SH3RF2: variants seen among roughly 807,000 people sequenced by gnomAD.
SH3RF2 encodes the protein SH3 domain containing ring finger 2, also known as E3 ubiquitin-protein ligase SH3RF2.
Under a neutral mutation model 59.0 loss-of-function variants are expected in SH3RF2, and 43 were observed. The ratio of observed to expected loss-of-function variants is 0.73; its 90% CI spans 0.57 to 0.94. The LOEUF is 0.94. Among genes scored for constraint, SH3RF2 ranks in the 40% least tolerant of loss-of-function variants. The pLI is 0.00. For synonymous variants in SH3RF2, 391 were observed against 391.5 expected, an observed-to-expected ratio of 1.00 and a Z score of 0.01; for missense variants, 930 against 940.1, an observed-to-expected ratio of 0.99 and a Z score of 0.14.
intron 2 of SH3RF2, among the ~76,000 whole-genome samples, chr5:145,945,282 G>C (rs777055621): frequency 3.3e-5 from 5 of 152,248 alleles, no homozygotes; most frequent in Non-Finnish European, 5.9e-5. Flanking sequence ...TAAAATTGTA[G>C]AAAAGACAAA....
chr5:146,000,435 ATAT>A (rs1760364413), intron 3 of SH3RF2, 108 bp downstream of exon 3: 2 of 891,992 alleles, frequency 2.2e-6, no homozygotes, highest in Non-Finnish European at 3.0e-6. Flanking sequence ...TATTTTAAAT[ATAT>A]TATATTATTG....
intron 5 of SH3RF2, among the ~76,000 whole-genome samples, chr5:146,041,788 G>A (rs1446476379): frequency 6.6e-6 from 1 of 152,012 alleles, no homozygotes; most frequent in African/African-American, 2.4e-5. Context: ...AAAACTGTCT[G>A]AGCATGGTGA....
At chr5:146,001,321 C>CTG (rs1441559001) in intron 3 of SH3RF2, among the ~76,000 whole-genome samples, 2 of 152,218 alleles carry the variant, frequency 1.3e-5, no homozygotes, top group East Asian at 3.8e-4. Context: ...AAAAGTGGCA[C>CTG]TGCTACAATA....
At chr5:146,042,086 C>A (rs1762145429) in intron 5 of SH3RF2, among the ~76,000 whole-genome samples, 1 of 152,170 alleles carries the variant, frequency 6.6e-6, no homozygotes, top group Non-Finnish European at 1.5e-5. Flanking sequence ...GACAGTCACC[C>A]CATACCCGCC....
intron 9 of SH3RF2, among the ~76,000 whole-genome samples, chr5:146,075,706 G>A (rs1474473037): frequency 1.3e-5 from 2 of 149,666 alleles, no homozygotes; most frequent in Non-Finnish European, 3.0e-5. Context: ...AGCTACCCGG[G>A]AGGCGGAGGT....
chr5:145,990,331 C>A (rs530845178), intron 2 of SH3RF2, among the ~76,000 whole-genome samples: 1 of 152,294 alleles, frequency 6.6e-6, no homozygotes, highest in African/African-American at 2.4e-5. Flanking sequence ...AACCTGAAGG[C>A]TCATAATTCA....
At chr5:145,999,678 AAC>A (rs1006682118) in intron 2 of SH3RF2, among the ~76,000 whole-genome samples, 71 of 152,310 alleles carry the variant, frequency 4.7e-4, no homozygotes, top group African/African-American at 1.6e-3. Flanking sequence ...GAGCAGTCAG[AAC>A]ACAAACATTT....
At chr5:146,026,783 T>A (rs1445372562) in intron 5 of SH3RF2, among the ~76,000 whole-genome samples, 1 of 152,160 alleles carries the variant, frequency 6.6e-6, no homozygotes, top group Non-Finnish European at 1.5e-5. Context: ...CAGTATAACC[T>A]TGGGCAAGAT....
intron 2 of SH3RF2, among the ~76,000 whole-genome samples, chr5:145,972,462 T>TACC (rs1438449524): frequency 1.3e-5 from 2 of 151,876 alleles, no homozygotes; most frequent in Admixed American, 6.6e-5. Context: ...CCACCACCAC[T>TACC]ACCACCACCA....
intron 2 of SH3RF2, among the ~76,000 whole-genome samples, chr5:145,989,825 T>C (rs193171977): frequency 1.3e-5 from 2 of 152,328 alleles, no homozygotes; most frequent in East Asian, 3.9e-4. Flanking sequence ...TATGTGTCAC[T>C]GTGGTTGATT....
chr5:146,030,280 C>G (rs958612670), intron 5 of SH3RF2, among the ~76,000 whole-genome samples: 3 of 152,146 alleles, frequency 2.0e-5, no homozygotes, highest in Non-Finnish European at 4.4e-5. Flanking sequence ...GCCCATGTGC[C>G]CATGTCGTTT....
Position 145,968,608 on chromosome 5 carries a change from AAAAG to A in SH3RF2, c.378+30307_378+30310del, listed in dbSNP as rs1469410919. 8.5e-5 allele frequency among the ~76,000 whole-genome samples: 13 copies of A among 152,362 alleles called. 1 individual carries two copies. The highest frequency in any genetic ancestry group is 2.2e-4 in the African/African-American group (9 of 41,582). On this transcript the variant is annotated intron_variant, in intron 2 of 9. Coordinates refer to ENST00000359120, the MANE Select transcript of SH3RF2 (RefSeq NM_152550.4). ...TTGAGTAGCCACATTAAAAAAAGTA[AAAAG>A]AAAGGTGAAATTAATTTTAATAACT...
intron 5 of SH3RF2, among the ~76,000 whole-genome samples, chr5:146,040,638 T>G (rs907941638): frequency 2.0e-5 from 3 of 151,994 alleles, no homozygotes; most frequent in Non-Finnish European, 4.4e-5. Flanking sequence ...GCCGTGTACT[T>G]CAGAAAAAAA....
rs368645230 is a variant in SH3RF2, at chr5:146,002,469, AAAGGAAGGAAGGAAGGAAGGAAGGAAGG to A, written c.649-1547_649-1520del. On this transcript the variant is annotated intron_variant, in intron 3 of 9. Coordinates refer to ENST00000359120, the MANE Select transcript of SH3RF2 (RefSeq NM_152550.4). ...CCATCTAAAAATTAAAAAAGAAAGA[AAAGGAAGGAAGGAAGGAAGGAAGGAAGG>A]AAGGAAGGAAGGAAGGAAGGAAGGA... Among the ~76,000 whole-genome samples the A allele has an allele frequency of 2.3e-3, 221 of 97,572 alleles. 3 individuals are homozygous for A. The highest frequency in any genetic ancestry group is 5.9e-3 in the African/African-American group (141 of 23,792). The allele number at this position is 97,572 out of a possible 152,430, so 64.0% of individuals were successfully genotyped here.
At chr5:146,070,805 C>G (rs1337241523) in intron 9 of SH3RF2, among the ~76,000 whole-genome samples, 5 of 152,196 alleles carry the variant, frequency 3.3e-5, no homozygotes, top group Admixed American at 2.6e-4. Context: ...CAGATGCAAA[C>G]TAATTAGGCA....
At chr5:146,064,658 G>GAA (rs1763012027), downstream of SH3RF2, among the ~76,000 whole-genome samples, 1 of 25,298 alleles carries the variant, frequency 4.0e-5, no homozygotes, top group African/African-American at 1.1e-4. Context: ...AAGAGAGAGA[G>GAA]AGAAAGAGAA....
chr5:146,032,443 C>A (rs566972424), intron 5 of SH3RF2, among the ~76,000 whole-genome samples: 1 of 152,200 alleles, frequency 6.6e-6, no homozygotes, highest in East Asian at 1.9e-4. Context: ...ATACTAGGAT[C>A]CTAAAGCCAG....
In SH3RF2 at chr5:145,986,002, CAAATAAATAAATAAATAAATAAATAAAT is replaced by C. The variant is rs5871949; in HGVS notation, c.379-14039_379-14012del. Reference sequence around the variant, plus strand: ...CTGGGCAACAGAGCAAGACTTGTCTCAAATAAATAAATAAATAAATAAATAAATAAATAAATAAATAAATGTCTGTTAT... The same window carrying C: ...CTGGGCAACAGAGCAAGACTTGTCTCAAATAAATAAATAAATGTCTGTTAT... On this transcript the variant is annotated intron_variant, in intron 2 of 9. Transcript: ENST00000359120. Among the ~76,000 whole-genome samples, 898 of 144,274 alleles carry C rather than the reference CAAATAAATAAATAAATAAATAAATAAAT, an allele frequency of 6.2e-3. 13 individuals carry two copies. The highest frequency in any genetic ancestry group is 0.021 in the African/African-American group (844 of 39,782). The allele number at this position is 144,274 out of a possible 152,430, so 94.6% of individuals were successfully genotyped here. A position where few individuals can be genotyped will look rare whatever the true frequency, so the allele number is the denominator to read the frequency against.
chr5:145,996,183 A>G (rs1760139734), intron 2 of SH3RF2, among the ~76,000 whole-genome samples: 1 of 152,218 alleles, frequency 6.6e-6, no homozygotes, highest in Non-Finnish European at 1.5e-5. Flanking sequence ...CTTCTTTCAA[A>G]TGATCATTGC....
Sources: allele counts gnomAD v4.1 joint callset (sites outside exome capture counted in the v4.1 genomes callset), GRCh38; gene constraint gnomAD v4.1.1; transcripts MANE v1.5; gene names NCBI Gene and HGNC (gene_info 2026-07-23, HGNC 2026-07-21).